SERPING1: variants seen among roughly 807,000 people sequenced by gnomAD.
SERPING1 encodes plasma protease C1 inhibitor.
SERPING1 carries 5 observed loss-of-function variants against 34.1 expected under a neutral mutation model. The observed-to-expected ratio is 0.15, with a 90% CI of 0.08 to 0.31. The LOEUF is 0.31. Ranked by LOEUF, SERPING1 falls within the 10% of genes least tolerant of loss-of-function variation. SERPING1 has a pLI of 1.00. For synonymous variants in SERPING1, 225 were observed against 242.4 expected (o/e 0.93, Z 0.67); for missense variants, 505 against 609.5 (o/e 0.83, Z 1.81).
Position 57,611,548 on chromosome 11 carries a change from A to G in SERPING1, c.1030-169A>G. On this transcript the variant is annotated intron_variant, in intron 6 of 7. Transcript: ENST00000278407. ...GCACAGAGTTGGATCAGCACTGTTCACCCAGCTGGTATCCCCATTTCATGG... is the reference window on the plus strand; with the variant it reads ...GCACAGAGTTGGATCAGCACTGTTCGCCCAGCTGGTATCCCCATTTCATGG... 3 of 706,346 alleles carry G rather than the reference A, an allele frequency of 4.2e-6. No homozygotes were observed. In the South Asian group the frequency reaches 4.9e-5, roughly 11 times the overall value. 43.8% of individuals were successfully genotyped at this position (706,346 alleles called of 1,614,324 possible).
intron 6 of SERPING1, 93 bp downstream of exon 6, chr11:57,606,640 T>C (rs770913016): frequency 7.7e-7 from 1 of 1,295,748 alleles, no homozygotes; most frequent in Non-Finnish European, 1.1e-6. Context: ...GGGTACATGC[T>C]TACAAATTCA....
chr11:57,600,718 A>G (rs1393720926), intron 3 of SERPING1, among the ~76,000 whole-genome samples: 4 of 152,214 alleles, frequency 2.6e-5, no homozygotes, highest in Non-Finnish European at 5.9e-5. Flanking sequence ...TGGGAGGCCA[A>G]GGCGGGTGGA....
intron 6 of SERPING1, among the ~76,000 whole-genome samples, chr11:57,610,323 G>A (rs1000842947): frequency 1.3e-5 from 2 of 152,252 alleles, no homozygotes; most frequent in Admixed American, 6.5e-5. Flanking sequence ...CAGGTACACC[G>A]AGGTTACTGG....
At chr11:57,601,433 C>T (rs892514974) in intron 3 of SERPING1, among the ~76,000 whole-genome samples, 2 of 150,630 alleles carry the variant, frequency 1.3e-5, no homozygotes, top group South Asian at 2.1e-4. Context: ...TAGTGTCTGA[C>T]TTAGTGGGAG....
intron 3 of SERPING1, among the ~76,000 whole-genome samples, chr11:57,601,150 CAGCA>C (rs1945343498): frequency 2.0e-5 from 3 of 151,820 alleles, no homozygotes; most frequent in Non-Finnish European, 2.9e-5. Context: ...CCTGTAATCC[CAGCA>C]TTTTAGGAGG....
Position 57,605,765 on chromosome 11 carries a change from T to C in SERPING1, c.686-245T>C, listed in dbSNP as rs950050128. The C allele has an allele frequency of 1.6e-5, 9 of 574,016 alleles. No homozygotes were observed. The African/African-American group carries it at 1.7e-4, about 11-fold the overall frequency. 35.6% of individuals were successfully genotyped at this position (574,016 alleles called of 1,614,324 possible). A position where few individuals can be genotyped will look rare whatever the true frequency, so the allele number is the denominator to read the frequency against. The stretch of plus-strand genomic sequence containing the variant: ...TCAAAAAGATTATCTTGCCGAGCCA[T>C]AGTCACATAGCAAGCTGAGGCAGCG... On this transcript the variant is annotated intron_variant, in intron 4 of 7. Coordinates refer to ENST00000278407, the MANE Select transcript of SERPING1 (RefSeq NM_000062.3).
At chr11:57,611,379 T>C (rs908810807) in intron 6 of SERPING1, 1 of 381,550 alleles carries the variant, frequency 2.6e-6, no homozygotes, top group Non-Finnish European at 4.9e-6. Flanking sequence ...TCAATGTGCA[T>C]GCTATATACT....
At chr11:57,601,696 CTACTAA>C (rs1375648911) in intron 3 of SERPING1, among the ~76,000 whole-genome samples, 1 of 151,872 alleles carries the variant, frequency 6.6e-6, no homozygotes, top group Non-Finnish European at 1.5e-5. Context: ...AACCCCATCT[CTACTAA>C]AAATGCAAAA....
intron 6 of SERPING1, among the ~76,000 whole-genome samples, chr11:57,608,727 G>A (rs905256788): frequency 6.6e-6 from 1 of 151,680 alleles, no homozygotes; most frequent in Non-Finnish European, 1.5e-5. Flanking sequence ...TGGCCAGGCT[G>A]GTCATGAACT....
chr11:57,614,244 C>T (rs1375262363), intron 7 of SERPING1, 84 bp from the exon 8 acceptor site: 5 of 1,544,850 alleles, frequency 3.2e-6, no homozygotes, highest in Non-Finnish European at 4.4e-6. Context: ...TCAGGATGAA[C>T]CCAGAGAATT....
chr11:57,599,729 AAGAC>A, intron 2 of SERPING1, 146 bp from the exon 3 acceptor site: 1 of 1,066,632 alleles, frequency 9.4e-7, no homozygotes, highest in Non-Finnish European at 1.4e-6. Flanking sequence ...TGGTGGTTCT[AAGAC>A]AGATTGCTCA....
intron 5 of SERPING1, 91 bp downstream of exon 5, chr11:57,606,304 CG>C: frequency 6.3e-7 from 1 of 1,594,132 alleles, no homozygotes; most frequent in East Asian, 2.2e-5. Context: ...GTTCTACAAT[CG>C]GATCTCAATG....
chr11:57,608,359 C>A (rs2135320379), intron 6 of SERPING1, among the ~76,000 whole-genome samples: 1 of 152,256 alleles, frequency 6.6e-6, no homozygotes, highest in East Asian at 1.9e-4. Context: ...TTGTAAAAAT[C>A]CCTTGGGAGT....
intron 4 of SERPING1, 61 bp from the exon 5 acceptor site, chr11:57,605,949 G>A (rs902099736): frequency 4.2e-6 from 6 of 1,434,144 alleles, no homozygotes; most frequent in South Asian, 3.4e-5. Flanking sequence ...CTCTCAAATC[G>A]TGCTCATGGA....
intron 7 of SERPING1, among the ~76,000 whole-genome samples, chr11:57,612,231 T>C (rs565227120): frequency 6.9e-4 from 105 of 152,146 alleles, no homozygotes; most frequent in African/African-American, 2.4e-3. Context: ...CTATGGTTCC[T>C]TGTGACATAG....
chr11:57,600,522 T>G, intron 3 of SERPING1, 145 bp downstream of exon 3: 1 of 847,640 alleles, frequency 1.2e-6, no homozygotes. Flanking sequence ...GAGGGATGTA[T>G]CTTTTCATTC....
At chr11:57,604,591 C>T (rs1310930660) in intron 4 of SERPING1, among the ~76,000 whole-genome samples, 5 of 151,944 alleles carry the variant, frequency 3.3e-5, no homozygotes, top group Non-Finnish European at 2.9e-5. Context: ...TGTTTGAAAG[C>T]AGTTCTGCTG....
At chr11:57,602,789 A>C (rs146802501) in intron 4 of SERPING1, among the ~76,000 whole-genome samples, 31,198 of 149,980 alleles carry the variant, frequency 0.21, 3,718 homozygotes, top group Non-Finnish European at 0.27. Flanking sequence ...AAAACAAAAA[A>C]AAAAACAAAG....
Position 57,600,122 on chromosome 11 carries a change from A to T in SERPING1, c.295A>T (p.Thr99Ser). ...QPTTEPTTQPTIQPTQPTTQL... is the reference protein window; with the variant it reads ...QPTTEPTTQPSIQPTQPTTQL... ...CACCACAGAGCCCACCACCCAACCC[A>T]CCATCCAACCCACCCAACCAACTAC... The change falls in exon 3 of 8, where the codon ACC becomes TCC. Residue 99 changes from threonine to serine, a missense_variant. Physicochemically the swap from Thr to Ser is moderately conservative, Grantham distance 58. Coordinates refer to ENST00000278407, the MANE Select transcript of SERPING1 (RefSeq NM_000062.3). 8.3e-7 allele frequency: 1 copy of T among 1,203,812 alleles called. No homozygotes were observed. The highest frequency in any genetic ancestry group is 1.2e-5 in the South Asian group (1 of 83,754). 74.6% of individuals were successfully genotyped at this position (1,203,812 alleles called of 1,614,324 possible). A position where few individuals can be genotyped will look rare whatever the true frequency, so the allele number is the denominator to read the frequency against.
Sources: gnomAD v4.1 joint callset for allele counts (sites outside exome capture counted in the v4.1 genomes callset) on GRCh38, gnomAD v4.1.1 for gene constraint, MANE v1.5 for transcripts, NCBI Gene and HGNC (gene_info 2026-07-23, HGNC 2026-07-21) for gene names.